The following KPNA4 variants were observed in gnomAD, a reference collection of about 807,000 sequenced individuals.
KPNA4 encodes the protein karyopherin subunit alpha 4.
In KPNA4, 13 loss-of-function variants were observed where a neutral mutation model predicts 71.3. The observed-to-expected ratio is 0.18, with a 90% CI of 0.12 to 0.29. KPNA4 has a LOEUF of 0.29. KPNA4 is among the 10% of genes least tolerant of loss of function. KPNA4 has a pLI of 1.00. For missense variants in KPNA4, 334 were observed against 603.2 expected, an observed-to-expected ratio of 0.55 and a Z score of 4.67; for synonymous variants, 189 against 195.2, an observed-to-expected ratio of 0.97 and a Z score of 0.26.
chr3:160,546,660 T>C (rs939598673), intron 1 of KPNA4, among the ~76,000 whole-genome samples: 7 of 152,188 alleles, frequency 4.6e-5, no homozygotes, highest in Middle Eastern at 3.2e-3. Context: ...TAAACTAATA[T>C]GGTTAATCAC....
At chr3:160,516,089 C>A (rs540965725) in intron 11 of KPNA4, among the ~76,000 whole-genome samples, 1 of 152,120 alleles carries the variant, frequency 6.6e-6, no homozygotes, top group Non-Finnish European at 1.5e-5. Flanking sequence ...CAGGTTCAAG[C>A]GATTCTCCTG....
chr3:160,565,477 C>A lies in KPNA4; in HGVS notation c.-195G>T, dbSNP rs1722333372. 5.3e-6 allele frequency: 3 copies of A among 565,678 alleles called. No homozygotes were observed. Among genetic ancestry groups the A allele is most frequent in the African/African-American group, 2.0e-5 (1 of 49,798 alleles). The allele number at this position is 565,678 out of a possible 1,614,324, so 35.0% of individuals were successfully genotyped here. A position where few individuals can be genotyped will look rare whatever the true frequency, so the allele number is the denominator to read the frequency against. On this transcript the variant is annotated 5_prime_UTR_variant, in exon 1 of 17. Transcript: ENST00000334256. ...GCCCGCCCCCCCGCCCTAACCCCAG[C>A]GCGACTGCAGCTCCGGCAAAGACAA...
chr3:160,540,342 G>T (rs1044830583), intron 1 of KPNA4, among the ~76,000 whole-genome samples: 2 of 152,132 alleles, frequency 1.3e-5, no homozygotes, highest in African/African-American at 4.8e-5. Context: ...TTACAACAAA[G>T]TCTGGAGGTT....
At chr3:160,522,201 G>C (rs984210054) in intron 10 of KPNA4, among the ~76,000 whole-genome samples, 1 of 152,178 alleles carries the variant, frequency 6.6e-6, no homozygotes. Flanking sequence ...AGGAGAAAAA[G>C]ACATTCTCTT....
At chr3:160,532,962 T>C (rs530948774) in intron 5 of KPNA4, among the ~76,000 whole-genome samples, 1 of 152,344 alleles carries the variant, frequency 6.6e-6, no homozygotes, top group South Asian at 2.1e-4. Context: ...TTCTATGTTT[T>C]ACATAACACC....
At chr3:160,522,235 G>A (rs1721363326) in intron 10 of KPNA4, among the ~76,000 whole-genome samples, 1 of 152,146 alleles carries the variant, frequency 6.6e-6, no homozygotes, top group African/African-American at 2.4e-5. Context: ...GGGATAACAG[G>A]TCCAAAAACA....
chr3:160,534,590 C>T (rs1016435801), intron 5 of KPNA4, among the ~76,000 whole-genome samples: 6 of 151,260 alleles, frequency 4.0e-5, no homozygotes, highest in Non-Finnish European at 7.4e-5. Context: ...TGGTGGCGGG[C>T]GCCTGTAATC....
chr3:160,527,130 T>G (rs1170722236), intron 8 of KPNA4, among the ~76,000 whole-genome samples: 1 of 152,192 alleles, frequency 6.6e-6, no homozygotes, highest in Non-Finnish European at 1.5e-5. Flanking sequence ...AAAATAATCT[T>G]TAGAATCATT....
intron 1 of KPNA4, among the ~76,000 whole-genome samples, chr3:160,564,044 AC>A (rs1722293304): frequency 6.6e-6 from 1 of 152,230 alleles, no homozygotes; most frequent in African/African-American, 2.4e-5. Context: ...ATGAAAACGT[AC>A]CGAGAACAAC....
At chr3:160,562,627 G>A (rs1309858478) in intron 1 of KPNA4, among the ~76,000 whole-genome samples, 23 of 152,142 alleles carry the variant, frequency 1.5e-4, no homozygotes, top group Non-Finnish European at 3.4e-4. Context: ...CTCATTACAA[G>A]CATATGTGAT....
At chr3:160,514,285 A>C (rs1721158521) in intron 12 of KPNA4, 104 bp from the exon 13 acceptor site, 1 of 691,136 alleles carries the variant, frequency 1.4e-6, no homozygotes. Flanking sequence ...TTTACTACGA[A>C]ATGAGCTCCA....
chr3:160,502,502 C>T (rs1336261699), intron 16 of KPNA4, among the ~76,000 whole-genome samples: 1 of 151,964 alleles, frequency 6.6e-6, no homozygotes, highest in Non-Finnish European at 1.5e-5. Flanking sequence ...TCCCGAGTAG[C>T]TGGGACTACA....
In KPNA4 at chr3:160,499,138, T is replaced by C. The variant is rs1165978144; in HGVS notation, c.*2966A>G. ...AAAATTATTCTAGATCCATTTTTAATGATTCATAGATAGCTCTAATTATAG... is the reference window on the plus strand; with the variant it reads ...AAAATTATTCTAGATCCATTTTTAACGATTCATAGATAGCTCTAATTATAG... On this transcript the variant is annotated 3_prime_UTR_variant, in exon 17 of 17. Transcript: ENST00000334256. 6.6e-6 allele frequency: 1 copy of C among 152,196 alleles called. No homozygotes were observed. The highest frequency in any genetic ancestry group is 2.4e-5 in the African/African-American group (1 of 41,454). The allele number at this position is 152,196 out of a possible 1,614,324, so 9.4% of individuals were successfully genotyped here.
intron 1 of KPNA4, among the ~76,000 whole-genome samples, chr3:160,548,191 T>G (rs186413342): frequency 6.3e-4 from 96 of 152,314 alleles, no homozygotes; most frequent in African/African-American, 2.2e-3. Context: ...GCATGTGGTG[T>G]TGTTAGTGCT....
At chr3:160,506,739 T>TGTAAAATGTTTAC (rs1228166144) in intron 15 of KPNA4, among the ~76,000 whole-genome samples, 4 of 152,234 alleles carry the variant, frequency 2.6e-5, no homozygotes, top group Non-Finnish European at 5.9e-5. Flanking sequence ...TAAAAATAAT[T>TGTAAAATGTTTAC]AAGTATGCCT....
rs779694734 is a variant in KPNA4 at position 160,531,428 on chromosome 3, A to G, written c.383+34T>C. ...TTGTCTTCTCCAAAGGATACATTCT[A>G]AATTAAAAAAAAAAAAATAAATAAT... On this transcript the variant is annotated intron_variant, in intron 6 of 16. Coordinates refer to ENST00000334256, the MANE Select transcript of KPNA4 (RefSeq NM_002268.5). The G allele has an allele frequency of 6.9e-6, 8 of 1,166,078 alleles. No individual in the cohort carries two copies. In the Admixed American group the frequency reaches 2.0e-4, roughly 29 times the overall value. 72.2% of individuals were successfully genotyped at this position (1,166,078 alleles called of 1,614,324 possible). A position where few individuals can be genotyped will look rare whatever the true frequency, so the allele number is the denominator to read the frequency against.
intron 11 of KPNA4, 79 bp downstream of exon 11, chr3:160,521,700 A>T: frequency 7.8e-7 from 1 of 1,289,264 alleles, no homozygotes; most frequent in Non-Finnish European, 1.1e-6. Context: ...TAAACTACTG[A>T]AATTGTCCAT....
intron 1 of KPNA4, among the ~76,000 whole-genome samples, chr3:160,550,152 A>G (rs1374155950): frequency 6.6e-6 from 1 of 152,204 alleles, no homozygotes; most frequent in African/African-American, 2.4e-5. Context: ...ATCTGTGAAC[A>G]GAGATAATTT....
chr3:160,538,614 C>T (rs1243660958), intron 1 of KPNA4, among the ~76,000 whole-genome samples: 1 of 152,166 alleles, frequency 6.6e-6, no homozygotes, highest in African/African-American at 2.4e-5. Flanking sequence ...CAAAGACTCT[C>T]ACACGCTCCA....
Sources: allele counts gnomAD v4.1 joint callset (sites outside exome capture counted in the v4.1 genomes callset), GRCh38; gene constraint gnomAD v4.1.1; transcripts MANE v1.5; gene names NCBI Gene and HGNC (gene_info 2026-07-23, HGNC 2026-07-21).